The following HAPLN1 variants were observed in gnomAD, a reference collection of about 807,000 sequenced individuals.
HAPLN1 encodes the protein hyaluronan and proteoglycan link protein 1.
A neutral mutation model predicts 36.5 loss-of-function variants in HAPLN1; 13 were observed. That is an observed-to-expected ratio of 0.36 (90% CI 0.23 to 0.57). The LOEUF (loss-of-function observed/expected upper bound fraction) is 0.57. HAPLN1 is among the 20% of genes least tolerant of loss of function. The probability of loss-of-function intolerance (pLI) is 0.83; values close to 1 mark genes in which losing one functional copy is unlikely to be tolerated. For synonymous variants in HAPLN1, 202 were observed against 169.8 expected (o/e 1.19, Z -1.48); for missense variants, 407 against 439.7 (o/e 0.93, Z 0.66).
At chr5:83,678,236 T>TGTGC (rs1554049538) in intron 1 of HAPLN1, among the ~76,000 whole-genome samples, 2 of 151,782 alleles carry the variant, frequency 1.3e-5, no homozygotes. Flanking sequence ...TGTGTGTGTG[T>TGTGC]GTGTGTGTGT....
chr5:83,650,730 G>T (rs922152163), intron 3 of HAPLN1, among the ~76,000 whole-genome samples: 1 of 149,990 alleles, frequency 6.7e-6, no homozygotes, highest in Non-Finnish European at 1.5e-5. Context: ...TGCCTCCTGG[G>T]TTCACGCCAT....
At chr5:83,716,965 G>A (rs1172450563) in intron 1 of HAPLN1, among the ~76,000 whole-genome samples, 2 of 152,092 alleles carry the variant, frequency 1.3e-5, no homozygotes, top group African/African-American at 4.8e-5. Context: ...CTGGGGAGTG[G>A]TGGTTGCAGT....
In HAPLN1 at chr5:83,652,733, A is replaced by G; in HGVS notation, c.192T>C (p.Tyr64=). 1 of 1,614,148 alleles carries G rather than the reference A, an allele frequency of 6.2e-7. No homozygotes were observed. Among genetic ancestry groups the G allele is most frequent in the Non-Finnish European group, 8.5e-7 (1 of 1,180,002 alleles). Residue 64 remains tyrosine, a synonymous_variant, in exon 3 of 5, where the codon TAT becomes TAC. Transcript: ENST00000274341. ...GGNVTLPCKF[Y]RDPTAFGSGI... is the part of the protein sequence containing the mutation. ...CTGAGCCAAATGCTGTAGGGTCTCG[A>G]TAAAATTTACATGGCAGTGTAACAT... is the stretch of plus-strand genomic sequence containing the variant.
intron 1 of HAPLN1, among the ~76,000 whole-genome samples, chr5:83,705,713 A>G (rs1026477792): frequency 6.6e-6 from 1 of 152,190 alleles, no homozygotes; most frequent in Non-Finnish European, 1.5e-5. Flanking sequence ...AAGACAAAAA[A>G]CAATCAAAAT....
At chr5:83,671,450 T>C (rs1750716375) in intron 2 of HAPLN1, among the ~76,000 whole-genome samples, 1 of 152,190 alleles carries the variant, frequency 6.6e-6, no homozygotes, top group Non-Finnish European at 1.5e-5. Flanking sequence ...GGGCTATGTT[T>C]GATAAATAAA....
intron 1 of HAPLN1, among the ~76,000 whole-genome samples, chr5:83,699,176 G>A (rs1476947487): frequency 6.6e-6 from 1 of 152,186 alleles, no homozygotes; most frequent in Non-Finnish European, 1.5e-5. Flanking sequence ...CTTTGAAAAT[G>A]TAAATAGACA....
At chr5:83,700,193 CAAAAAAA>C (rs58457969) in intron 1 of HAPLN1, among the ~76,000 whole-genome samples, 12 of 99,268 alleles carry the variant, frequency 1.2e-4, no homozygotes, top group African/African-American at 2.1e-4. Context: ...GACTCCATCT[CAAAAAAA>C]AAAAAAAAAA....
chr5:83,674,886 C>T (rs1236966696), intron 1 of HAPLN1: 1 of 152,208 alleles, frequency 6.6e-6, no homozygotes, highest in Non-Finnish European at 1.5e-5. Context: ...ATTTGCACTA[C>T]TGTGATGCTG....
intron 1 of HAPLN1, among the ~76,000 whole-genome samples, chr5:83,702,541 G>A (rs367646308): frequency 6.6e-6 from 1 of 152,080 alleles, no homozygotes; most frequent in Non-Finnish European, 1.5e-5. Flanking sequence ...GGCTTGAAGG[G>A]TTTGGTCTCT....
At chr5:83,657,884 T>C (rs1750266648) in intron 2 of HAPLN1, among the ~76,000 whole-genome samples, 1 of 151,414 alleles carries the variant, frequency 6.6e-6, no homozygotes, top group Non-Finnish European at 1.5e-5. Context: ...TCCAAGAAAA[T>C]ACTCTACCAC....
rs753842393 is a variant in HAPLN1, at chr5:83,673,567, A to T, written c.-26-18T>A. Reference sequence around the variant, plus strand: ...CTTCTTCACTGCGAGAGCATCACATACAAAGAGGCTTGTGAGATTTGGAAC... The same window carrying T: ...CTTCTTCACTGCGAGAGCATCACATTCAAAGAGGCTTGTGAGATTTGGAAC... On this transcript the variant is annotated intron_variant, in intron 1 of 4. Coordinates refer to ENST00000274341, the MANE Select transcript of HAPLN1 (RefSeq NM_001884.4). 6.4e-6 allele frequency: 9 copies of T among 1,401,196 alleles called. No homozygotes were observed. Among genetic ancestry groups the T allele is most frequent in the Non-Finnish European group, 9.1e-6 (9 of 987,418 alleles). The allele number at this position is 1,401,196 out of a possible 1,614,324, so 86.8% of individuals were successfully genotyped here.
chr5:83,675,965 C>T (rs2112602852), intron 1 of HAPLN1, among the ~76,000 whole-genome samples: 1 of 152,278 alleles, frequency 6.6e-6, no homozygotes, highest in South Asian at 2.1e-4. Context: ...AATTCAAGCT[C>T]TTTAACTTAC....
chr5:83,692,652 A>G (rs1751306454), intron 1 of HAPLN1, among the ~76,000 whole-genome samples: 3 of 151,970 alleles, frequency 2.0e-5, no homozygotes, highest in African/African-American at 7.2e-5. Flanking sequence ...AAGAAAAATG[A>G]TAACAGTTGG....
intron 3 of HAPLN1, among the ~76,000 whole-genome samples, chr5:83,650,543 A>C (rs1272597620): frequency 6.6e-6 from 1 of 152,048 alleles, no homozygotes; most frequent in Non-Finnish European, 1.5e-5. Context: ...GCTCATATGC[A>C]TATATTCTAT....
At chr5:83,714,626 G>A (rs183723018) in intron 1 of HAPLN1, among the ~76,000 whole-genome samples, 112 of 152,202 alleles carry the variant, frequency 7.4e-4, no homozygotes, top group African/African-American at 2.6e-3. Flanking sequence ...GCTTTGACCC[G>A]TATTTTCAAC....
intron 1 of HAPLN1, among the ~76,000 whole-genome samples, chr5:83,706,125 C>T (rs1343074290): frequency 1.4e-5 from 2 of 145,984 alleles, no homozygotes; most frequent in African/African-American, 5.1e-5. Context: ...AAAACAAAAG[C>T]CCAGGGCCAA....
At chr5:83,698,629 A>C (rs1196121045) in intron 1 of HAPLN1, among the ~76,000 whole-genome samples, 1 of 152,172 alleles carries the variant, frequency 6.6e-6, no homozygotes, top group Non-Finnish European at 1.5e-5. Context: ...CCAATTGTTC[A>C]TTACTTTCTA....
At chr5:83,658,091 T>C (rs965845654) in intron 2 of HAPLN1, among the ~76,000 whole-genome samples, 1 of 152,158 alleles carries the variant, frequency 6.6e-6, no homozygotes, top group Non-Finnish European at 1.5e-5. Context: ...ATAGACTCAA[T>C]TGTCAGCTCC....
chr5:83,676,229 C>T (rs1221607623), intron 1 of HAPLN1, among the ~76,000 whole-genome samples: 1 of 121,462 alleles, frequency 8.2e-6, no homozygotes, highest in Non-Finnish European at 1.8e-5. Flanking sequence ...GAGATACGCA[C>T]ACATACACAG....
Sources: allele counts gnomAD v4.1 joint callset (sites outside exome capture counted in the v4.1 genomes callset), GRCh38; gene constraint gnomAD v4.1.1; transcripts MANE v1.5; gene names NCBI Gene and HGNC (gene_info 2026-07-23, HGNC 2026-07-21).